The following LIPA variants were observed in gnomAD, a reference collection of about 807,000 sequenced individuals.
The protein encoded by LIPA is lysosomal acid lipase/cholesteryl ester hydrolase.
In LIPA, 26 loss-of-function variants were observed where a neutral mutation model predicts 40.6. That is an observed-to-expected ratio of 0.64 (90% CI 0.47 to 0.89). LIPA has a LOEUF of 0.89. Among genes scored for constraint, LIPA ranks in the 40% least tolerant of loss-of-function variants. The pLI is 0.00. For synonymous variants in LIPA, 188 were observed against 168.4 expected, an observed-to-expected ratio of 1.12 and a Z score of -0.90; for missense variants, 455 against 479.6, an observed-to-expected ratio of 0.95 and a Z score of 0.48.
At chr10:89,274,957 T>G (rs747940692) in intron 1 of LIPA, among the ~76,000 whole-genome samples, 13 of 152,320 alleles carry the variant, frequency 8.5e-5, no homozygotes, top group Non-Finnish European at 1.5e-4. Flanking sequence ...TTTCTTAAAA[T>G]GAAAAGGCAT....
At chr10:89,345,346 T>C (rs773745116), upstream of LIPA, among the ~76,000 whole-genome samples, 3 of 151,916 alleles carry the variant, frequency 2.0e-5, no homozygotes, top group Non-Finnish European at 2.9e-5. Flanking sequence ...CTGGCCAACA[T>C]GGTGAAAACC....
chr10:89,323,610 C>T (rs1413108262), intron 1 of LIPA, among the ~76,000 whole-genome samples: 1 of 152,084 alleles, frequency 6.6e-6, no homozygotes, highest in East Asian at 1.9e-4. Flanking sequence ...AATCAACATA[C>T]AAAAATGAGT....
chr10:89,406,314 T>TA (rs1234548405), intron 2 of LIPA: 1 of 139,984 alleles, frequency 7.1e-6, no homozygotes, highest in East Asian at 1.9e-4. Context: ...CAACACTCTG[T>TA]AAAATGGACC....
intron 8 of LIPA, among the ~76,000 whole-genome samples, chr10:89,221,229 T>A (rs994009497): frequency 1.3e-3 from 200 of 150,180 alleles, no homozygotes; most frequent in Non-Finnish European, 2.1e-3. Flanking sequence ...AATTTTTTTT[T>A]AAAATAATAA....
intron 1 of LIPA, among the ~76,000 whole-genome samples, chr10:89,413,880 T>C (rs1841502804): frequency 6.6e-6 from 1 of 152,230 alleles, no homozygotes; most frequent in South Asian, 2.1e-4. Flanking sequence ...GTTTTCTTTA[T>C]TGTTATATTG....
chr10:89,361,570 T>C (rs1295115010), intron 2 of LIPA, among the ~76,000 whole-genome samples: 1 of 152,202 alleles, frequency 6.6e-6, no homozygotes, highest in Non-Finnish European at 1.5e-5. Flanking sequence ...AAGTGTCATA[T>C]AGCATTGAGG....
intron 2 of LIPA, among the ~76,000 whole-genome samples, chr10:89,394,683 T>G (rs1048971416): frequency 2.0e-5 from 3 of 149,134 alleles, no homozygotes; most frequent in Non-Finnish European, 4.4e-5. Context: ...ATAAAATACA[T>G]GTAAAATAAA....
chr10:89,368,037 T>C (rs979880437), intron 2 of LIPA, among the ~76,000 whole-genome samples: 2 of 152,158 alleles, frequency 1.3e-5, no homozygotes, highest in Non-Finnish European at 2.9e-5. Context: ...CCCAGGCTAG[T>C]CTCAAACTCC....
chr10:89,247,815 G>C (rs1215972584), intron 1 of LIPA, 166 bp from the exon 2 acceptor site: 13 of 379,370 alleles, frequency 3.4e-5, no homozygotes, highest in Middle Eastern at 1.3e-3. Context: ...AGGAGAATAA[G>C]GAATTTTTAA....
chr10:89,325,822 A>G (rs1219933220), intron 1 of LIPA, among the ~76,000 whole-genome samples: 1 of 152,162 alleles, frequency 6.6e-6, no homozygotes, highest in Non-Finnish European at 1.5e-5. Context: ...CAATTTACCT[A>G]AATAACAAAC....
upstream of LIPA, among the ~76,000 whole-genome samples, chr10:89,255,762 G>C (rs1174653183): frequency 6.6e-6 from 1 of 152,056 alleles, no homozygotes; most frequent in African/African-American, 2.4e-5. Flanking sequence ...GAAATTAGGA[G>C]TTTGTTCTAG....
At chr10:89,217,708 C>T (rs1278497984) in intron 8 of LIPA, among the ~76,000 whole-genome samples, 1 of 152,098 alleles carries the variant, frequency 6.6e-6, no homozygotes, top group Non-Finnish European at 1.5e-5. Context: ...AGCTAAAGCC[C>T]AATTTTAATA....
intron 1 of LIPA, among the ~76,000 whole-genome samples, chr10:89,265,132 G>T (rs1219803149): frequency 6.6e-6 from 1 of 151,748 alleles, no homozygotes; most frequent in Admixed American, 6.6e-5. Flanking sequence ...TGGAGTGGGT[G>T]CCAGGAGCAG....
intron 3 of LIPA, among the ~76,000 whole-genome samples, chr10:89,240,921 G>A (rs896256945): frequency 1.3e-5 from 2 of 152,194 alleles, no homozygotes; most frequent in South Asian, 2.1e-4. Flanking sequence ...CAAGTAAAGA[G>A]AATCAGAAAA....
intron 3 of LIPA, among the ~76,000 whole-genome samples, chr10:89,232,721 C>A (rs934246878): frequency 1.2e-4 from 18 of 152,222 alleles, no homozygotes; most frequent in African/African-American, 4.3e-4. Flanking sequence ...AGCTCCCCAC[C>A]TTCTCTCGAT....
chr10:89,328,196 T>C, intron 1 of LIPA: 2 of 1,032,312 alleles, frequency 1.9e-6, no homozygotes, highest in Non-Finnish European at 3.0e-6. Flanking sequence ...CAATATGTCT[T>C]TATCAGTCTG....
chr10:89,299,693 G>A (rs1843434315), intron 1 of LIPA, among the ~76,000 whole-genome samples: 1 of 151,666 alleles, frequency 6.6e-6, no homozygotes, highest in Non-Finnish European at 1.5e-5. Context: ...CAACCCCAAG[G>A]AAATGCAAAT....
intron 3 of LIPA, among the ~76,000 whole-genome samples, chr10:89,236,200 C>A (rs1310874522): frequency 6.6e-6 from 1 of 152,076 alleles, no homozygotes; most frequent in Non-Finnish European, 1.5e-5. Flanking sequence ...CACTTACAGA[C>A]CAAACATGGT....
intron 2 of LIPA, chr10:89,403,371 T>C (rs1844472385): frequency 6.2e-7 from 1 of 1,613,378 alleles, no homozygotes; most frequent in Non-Finnish European, 8.5e-7. Context: ...TTTTCAAAAA[T>C]TGTTATGCAT....
Sources: gnomAD v4.1 joint callset for allele counts (sites outside exome capture counted in the v4.1 genomes callset) on GRCh38, gnomAD v4.1.1 for gene constraint, MANE v1.5 for transcripts, NCBI Gene and HGNC (gene_info 2026-07-23, HGNC 2026-07-21) for gene names.